Variants in DACH1 observed in about 807,000 individuals in gnomAD.
The protein encoded by DACH1 is dachshund family transcription factor 1.
A neutral mutation model predicts 54.2 loss-of-function variants in DACH1; 12 were observed. The ratio of observed to expected loss-of-function variants is 0.22; its 90% CI spans 0.14 to 0.36. The LOEUF is 0.36. Ranked by LOEUF, DACH1 falls within the 10% of genes least tolerant of loss-of-function variation. The pLI is 1.00. For missense variants in DACH1, 805 were observed against 929.8 expected (o/e 0.87, Z 1.75); for synonymous variants, 386 against 366.2 (o/e 1.05, Z -0.62).
Position 71,571,209 on chromosome 13 carries a change from C to T in DACH1, c.1299+1631G>A, listed in dbSNP as rs116618624. On this transcript the variant is annotated intron_variant, in intron 4 of 10. Coordinates refer to ENST00000613252, the MANE Select transcript of DACH1 (RefSeq NM_080759.6). ...GATGATTCTTTATAGTAATCACGAC[C>T]AGATTTTTTTAATGAGAATAATCAC... is the stretch of plus-strand genomic sequence containing the variant. 8.8e-3 allele frequency among the ~76,000 whole-genome samples: 1,339 copies of T among 152,038 alleles called. 15 individuals are homozygous for T. The highest frequency in any genetic ancestry group is 0.025 in the Admixed American group (379 of 15,256).
chr13:71,676,027 G>A (rs1024434927), intron 2 of DACH1, among the ~76,000 whole-genome samples: 1 of 152,126 alleles, frequency 6.6e-6, no homozygotes, highest in African/African-American at 2.4e-5. Context: ...AACATCAAGT[G>A]TTTAAATAGT....
chr13:71,662,027 C>A (rs1879525692), intron 2 of DACH1, among the ~76,000 whole-genome samples: 1 of 151,954 alleles, frequency 6.6e-6, no homozygotes, highest in Non-Finnish European at 1.5e-5. Flanking sequence ...TTGTGATTAC[C>A]CAATTTGGGC....
At chr13:71,700,780 A>G (rs989660677) in intron 1 of DACH1, among the ~76,000 whole-genome samples, 5 of 152,154 alleles carry the variant, frequency 3.3e-5, no homozygotes, top group Non-Finnish European at 7.4e-5. Flanking sequence ...AGGGTATACA[A>G]TAAAATCTTT....
intron 1 of DACH1, among the ~76,000 whole-genome samples, chr13:71,771,501 A>G (rs1473791426): frequency 3.2e-4 from 49 of 151,428 alleles, no homozygotes; most frequent in Admixed American, 3.1e-3. Context: ...TTTTGCAACT[A>G]ATCAGTAACT....
chr13:71,728,585 A>T (rs780621458), intron 1 of DACH1, among the ~76,000 whole-genome samples: 5 of 152,194 alleles, frequency 3.3e-5, no homozygotes, highest in South Asian at 2.1e-4. Flanking sequence ...TGACTCTATA[A>T]ATTTAATCAG....
chr13:71,703,118 G>A (rs1882238960), intron 1 of DACH1, among the ~76,000 whole-genome samples: 2 of 152,168 alleles, frequency 1.3e-5, no homozygotes, highest in African/African-American at 4.8e-5. Flanking sequence ...TATCTTAGCA[G>A]AGTCAAAAGA....
At chr13:71,487,581 A>G (rs1878643524) in intron 7 of DACH1, among the ~76,000 whole-genome samples, 1 of 152,166 alleles carries the variant, frequency 6.6e-6, no homozygotes, top group Admixed American at 6.5e-5. Context: ...CATGTGTCAA[A>G]CCTGCTCTTC....
intron 2 of DACH1, among the ~76,000 whole-genome samples, chr13:71,636,196 A>G (rs1185322399): frequency 6.6e-6 from 1 of 152,170 alleles, no homozygotes; most frequent in African/African-American, 2.4e-5. Context: ...TCCACAGAAT[A>G]TTTCTGAAAT....
In DACH1 at chr13:71,439,195, CAGAAA is replaced by C. The variant is rs1257620643; in HGVS notation, c.*1455_*1459del. ...TTACGATCATACAATTTTAAGATGA[CAGAAA>C]AATCATAAAATGTATAGTGACCGTA... On this transcript the variant is annotated 3_prime_UTR_variant, in exon 11 of 11. Coordinates refer to ENST00000613252, the MANE Select transcript of DACH1 (RefSeq NM_080759.6). 12 of 152,288 alleles carry C rather than the reference CAGAAA, an allele frequency of 7.9e-5. No individual in the cohort carries two copies. Among genetic ancestry groups the C allele is most frequent in the Non-Finnish European group, 7.4e-5 (5 of 67,868 alleles). The allele number at this position is 152,288 out of a possible 1,614,324, so 9.4% of individuals were successfully genotyped here.
At chr13:71,596,521 A>G (rs1436592936) in intron 3 of DACH1, among the ~76,000 whole-genome samples, 1 of 152,252 alleles carries the variant, frequency 6.6e-6, no homozygotes, top group Non-Finnish European at 1.5e-5. Context: ...CTAGAAATAT[A>G]TATGACTTAC....
chr13:71,472,384 A>G (rs1877159023), intron 10 of DACH1, among the ~76,000 whole-genome samples: 1 of 152,210 alleles, frequency 6.6e-6, no homozygotes, highest in Admixed American at 6.5e-5. Context: ...ATGAGGCAAT[A>G]TTTAGTCTAC....
chr13:71,523,633 A>C (rs1372812857), intron 6 of DACH1, among the ~76,000 whole-genome samples: 1 of 152,066 alleles, frequency 6.6e-6, no homozygotes, highest in East Asian at 1.9e-4. Context: ...TTCTCCTACA[A>C]GATGCATTAC....
Position 71,516,534 on chromosome 13 carries a change from C to G in DACH1, c.1571-27386G>C, listed in dbSNP as rs180961639. Reference sequence around the variant, plus strand: ...TATGACTTAATGAAGTCCAGCCCAACAGTCTCTCTCCCCCACCTTAAAACA... The same window carrying G: ...TATGACTTAATGAAGTCCAGCCCAAGAGTCTCTCTCCCCCACCTTAAAACA... On this transcript the variant is annotated intron_variant, in intron 6 of 10. Coordinates refer to ENST00000613252, the MANE Select transcript of DACH1 (RefSeq NM_080759.6). Among the ~76,000 whole-genome samples, 379 of 151,990 alleles carry G rather than the reference C, an allele frequency of 2.5e-3. 2 individuals are homozygous for G. Among genetic ancestry groups the G allele is most frequent in the African/African-American group, 7.9e-3 (327 of 41,492 alleles).
chr13:71,721,479 C>A (rs765707836), intron 1 of DACH1, among the ~76,000 whole-genome samples: 1 of 152,040 alleles, frequency 6.6e-6, no homozygotes, highest in Non-Finnish European at 1.5e-5. Flanking sequence ...TAGGGGTAGT[C>A]CAAATTCTGT....
chr13:71,490,499 CCTT>C (rs1878889286), intron 6 of DACH1, among the ~76,000 whole-genome samples: 2 of 152,324 alleles, frequency 1.3e-5, no homozygotes, highest in South Asian at 4.1e-4. Context: ...TGCAGTTTCT[CCTT>C]CTACTTCCTC....
At chr13:71,498,422 A>G (rs1879625747) in intron 6 of DACH1, among the ~76,000 whole-genome samples, 1 of 152,218 alleles carries the variant, frequency 6.6e-6, no homozygotes, top group African/African-American at 2.4e-5. Context: ...TACCACATCC[A>G]TGATAGTAAA....
chr13:71,618,865 T>C (rs570195972), intron 3 of DACH1, among the ~76,000 whole-genome samples: 1 of 151,990 alleles, frequency 6.6e-6, no homozygotes, highest in East Asian at 1.9e-4. Context: ...AGAGGATCAA[T>C]TATGTGTCTA....
At chr13:71,552,042 G>A (rs569512906) in intron 6 of DACH1, among the ~76,000 whole-genome samples, 1 of 152,056 alleles carries the variant, frequency 6.6e-6, no homozygotes, top group Non-Finnish European at 1.5e-5. Context: ...CCTCTGAAAT[G>A]TTGGTCTCCT....
intron 2 of DACH1, among the ~76,000 whole-genome samples, chr13:71,679,517 CTG>C (rs995664419): frequency 2.0e-5 from 3 of 151,774 alleles, no homozygotes; most frequent in Non-Finnish European, 4.4e-5. Context: ...TCTCTTATAA[CTG>C]TGAGAAAGTA....
Sources: allele counts gnomAD v4.1 joint callset (sites outside exome capture counted in the v4.1 genomes callset), GRCh38; gene constraint gnomAD v4.1.1; transcripts MANE v1.5; gene names NCBI Gene and HGNC (gene_info 2026-07-23, HGNC 2026-07-21).